The following B3GALT5 variants were observed in gnomAD, a reference collection of about 807,000 sequenced individuals.
B3GALT5 encodes the protein beta-1,3-galactosyltransferase 5, also known as UDP-Gal:betaGlcNAc beta 1,3-galactosyltransferase, polypeptide 5.
For synonymous variants in B3GALT5, 156 were observed against 158.6 expected (o/e 0.98, Z 0.12); for missense variants, 328 against 396.6 (o/e 0.83, Z 1.47).
At position 39,660,907 on chromosome 21, in the gene B3GALT5, C is replaced by T. The variant is rs757837700; in HGVS notation, c.348C>T (p.His116=). 2.4e-5 allele frequency: 39 copies of T among 1,610,730 alleles called. No homozygotes were observed. Among genetic ancestry groups the T allele is most frequent in the Non-Finnish European group, 2.7e-5 (32 of 1,178,372 alleles). ...TKEVDQESQR[H]GDIIQKDFLD... ...AGGTGGACCAGGAGAGCCAGCGACA[C>T]GGGGACATTATCCAGAAGGATTTCC... is the stretch of plus-strand genomic sequence containing the variant. Residue 116 remains histidine (H), a synonymous_variant, in exon 4 of 4, where the codon CAC becomes CAT. Coordinates refer to ENST00000684187, the MANE Select transcript of B3GALT5 (RefSeq NM_001356336.2).
chr21:39,636,753 A>T (rs2079230744), intron 1 of B3GALT5, among the ~76,000 whole-genome samples: 1 of 152,090 alleles, frequency 6.6e-6, no homozygotes, highest in Admixed American at 6.5e-5. Flanking sequence ...CAGTCTCTTC[A>T]TACGGAGGGA....
rs199538487 is a variant in B3GALT5, at chr21:39,617,472, G to A, written c.-392+4405G>A. On this transcript the variant is annotated intron_variant, in intron 1 of 3. Transcript: ENST00000684187. The stretch of plus-strand genomic sequence containing the variant: ...TTACATGGCCTGAGAGAGCAAGTGA[G>A]AGAACATGTGAGCGTGTGGGAAAAA... 2.0e-5 allele frequency among the ~76,000 whole-genome samples: 3 copies of A among 152,216 alleles called. No homozygotes were observed. In the East Asian group the frequency reaches 5.8e-4, roughly 29 times the overall value.
intron 1 of B3GALT5, among the ~76,000 whole-genome samples, chr21:39,632,480 G>A (rs545496121): frequency 1.9e-4 from 29 of 152,314 alleles, no homozygotes; most frequent in Middle Eastern, 3.4e-3. Context: ...AAGAAAATAA[G>A]AGGCTGACAA....
Position 39,660,975 on chromosome 21 carries a change from T to C in B3GALT5, c.416T>C (p.Ile139Thr). The change falls in exon 4 of 4, where the codon ATA becomes ACA. Residue 139 changes from isoleucine (I) to threonine (T), a missense_variant. Transcript: ENST00000684187. ...YNLTLKTMMG[I>T]EWVHRFCPQA... ...CTGACCCTGAAGACCATGATGGGCA[T>C]AGAATGGGTCCATCGCTTTTGTCCT... 6.2e-7 allele frequency: 1 copy of C among 1,609,870 alleles called. No homozygotes were observed. The highest frequency in any genetic ancestry group is 8.5e-7 in the Non-Finnish European group (1 of 1,177,044).
At chr21:39,643,731 T>A (rs2059061322) in intron 1 of B3GALT5, among the ~76,000 whole-genome samples, 1 of 152,148 alleles carries the variant, frequency 6.6e-6, no homozygotes, top group Non-Finnish European at 1.5e-5. Context: ...TTATGTGTGC[T>A]TAAAGAGGGG....
intron 1 of B3GALT5, among the ~76,000 whole-genome samples, chr21:39,632,557 TAAC>T (rs950679612): frequency 3.3e-5 from 5 of 152,246 alleles, no homozygotes; most frequent in African/African-American, 9.6e-5. Context: ...TATTTTGTGT[TAAC>T]AAAGTAGAAA....
chr21:39,653,543 G>A (rs911092214), intron 2 of B3GALT5, among the ~76,000 whole-genome samples: 2 of 152,248 alleles, frequency 1.3e-5, no homozygotes, highest in Non-Finnish European at 2.9e-5. Context: ...TGTTACAGGA[G>A]TACTTGGCAA....
chr21:39,621,968 T>G (rs371641407), intron 1 of B3GALT5, among the ~76,000 whole-genome samples: 28 of 152,254 alleles, frequency 1.8e-4, no homozygotes, highest in African/African-American at 6.7e-4. Context: ...TGCTCTTTTT[T>G]CGTAGCTTCT....
rs1050182832 is a variant in B3GALT5, at chr21:39,662,426, C to G, written c.*934C>G. ...CAGTTCAAACTGAAGGACAGTTGAA[C>G]TCAGATGGGGTTCATGTGGGATTCT... On this transcript the variant is annotated 3_prime_UTR_variant, in exon 4 of 4. Coordinates refer to ENST00000684187, the MANE Select transcript of B3GALT5 (RefSeq NM_001356336.2). 1 of 167,106 alleles carries G rather than the reference C, an allele frequency of 6.0e-6. No individual in the cohort carries two copies. Among genetic ancestry groups the G allele is most frequent in the Non-Finnish European group, 1.5e-5 (1 of 68,136 alleles). The allele number at this position is 167,106 out of a possible 1,614,324, so 10.4% of individuals were successfully genotyped here. A position where few individuals can be genotyped will look rare whatever the true frequency, so the allele number is the denominator to read the frequency against.
At chr21:39,654,704 C>A (rs2079425292) in intron 2 of B3GALT5, among the ~76,000 whole-genome samples, 1 of 152,130 alleles carries the variant, frequency 6.6e-6, no homozygotes, top group African/African-American at 2.4e-5. Context: ...TCACGACCAC[C>A]CCAACCTTCA....
At chr21:39,659,731 A>G (rs1249066020) in intron 2 of B3GALT5, 22 bp from the exon 3 acceptor site, 5 of 977,130 alleles carry the variant, frequency 5.1e-6, no homozygotes, top group East Asian at 1.2e-4. Flanking sequence ...TTTGAATGAC[A>G]CTCTTTTTTT....
At chr21:39,636,871 CG>C (rs1293727685) in intron 1 of B3GALT5, among the ~76,000 whole-genome samples, 1 of 152,128 alleles carries the variant, frequency 6.6e-6, no homozygotes, top group Non-Finnish European at 1.5e-5. Context: ...ATGCTCAGAA[CG>C]TGGTGGTGGA....
chr21:39,613,693 C>T lies in B3GALT5; in HGVS notation c.-392+626C>T, dbSNP rs565008122. Among the ~76,000 whole-genome samples, 41 of 152,286 alleles carry T rather than the reference C, an allele frequency of 2.7e-4. 1 individual carries two copies. Among genetic ancestry groups the T allele is most frequent in the Admixed American group, 2.1e-3 (32 of 15,304 alleles). On this transcript the variant is annotated intron_variant, in intron 1 of 3. Coordinates refer to ENST00000684187, the MANE Select transcript of B3GALT5 (RefSeq NM_001356336.2). The stretch of plus-strand genomic sequence containing the variant: ...GTGTGTGAGTGCGTGTGTGTGTGCG[C>T]GCGTATGTGTGCGCATGTGCACGTG...
intron 1 of B3GALT5, among the ~76,000 whole-genome samples, chr21:39,644,148 G>A (rs988627290): frequency 1.3e-5 from 2 of 152,038 alleles, no homozygotes; most frequent in African/African-American, 2.4e-5. Flanking sequence ...TGTCTGGCTC[G>A]GTGAATCTGC....
intron 1 of B3GALT5, among the ~76,000 whole-genome samples, chr21:39,646,146 G>C (rs962100667): frequency 1.3e-5 from 2 of 152,040 alleles, no homozygotes; most frequent in Non-Finnish European, 2.9e-5. Context: ...AAGGTGGCAG[G>C]CTGCCTCTGC....
At chr21:39,628,151 G>T (rs906272378) in intron 1 of B3GALT5, among the ~76,000 whole-genome samples, 2 of 152,108 alleles carry the variant, frequency 1.3e-5, no homozygotes. Context: ...AGACATGATA[G>T]ACAAAGACTT....
At chr21:39,619,344 G>A (rs1173563382) in intron 1 of B3GALT5, among the ~76,000 whole-genome samples, 1 of 152,008 alleles carries the variant, frequency 6.6e-6, no homozygotes, top group Non-Finnish European at 1.5e-5. Flanking sequence ...CAACCCTATT[G>A]AATTAGGATC....
intron 2 of B3GALT5, among the ~76,000 whole-genome samples, chr21:39,659,145 C>T (rs962401690): frequency 6.6e-6 from 1 of 152,068 alleles, no homozygotes; most frequent in Non-Finnish European, 1.5e-5. Flanking sequence ...GAAGCTGTGA[C>T]CCAAGTCACA....
At position 39,639,400 on chromosome 21, in the gene B3GALT5, T is replaced by TTTC. The variant is rs1555926182; in HGVS notation, c.-391-6990_-391-6989insCTT. 5.5e-3 allele frequency among the ~76,000 whole-genome samples: 316 copies of TTTC among 57,178 alleles called. 7 individuals carry two copies. Among genetic ancestry groups the TTTC allele is most frequent in the Non-Finnish European group, 6.8e-3 (198 of 28,998 alleles). The allele number at this position is 57,178 out of a possible 152,430, so 37.5% of individuals were successfully genotyped here. ...CTTCCTTCCTTCCTTCCTTCTTTCT[T>TTTC]TTTCTTTCTTTCTTTCTTTCTTTCT... On this transcript the variant is annotated intron_variant, in intron 1 of 3. Coordinates refer to ENST00000684187, the MANE Select transcript of B3GALT5 (RefSeq NM_001356336.2).
Sources: gnomAD v4.1 joint callset for allele counts (sites outside exome capture counted in the v4.1 genomes callset) on GRCh38, gnomAD v4.1.1 for gene constraint, MANE v1.5 for transcripts, NCBI Gene and HGNC (gene_info 2026-07-23, HGNC 2026-07-21) for gene names.